Variants in RBFOX1 observed in about 807,000 individuals in gnomAD.
RBFOX1 encodes the protein RNA binding fox-1 homolog 1.
In RBFOX1, 8 loss-of-function variants were observed where a neutral mutation model predicts 57.7. That is an observed-to-expected ratio of 0.14 (90% CI 0.08 to 0.25). The LOEUF (loss-of-function observed/expected upper bound fraction) is 0.25, where lower values mean the gene tolerates loss of function less well. Among genes scored for constraint, RBFOX1 ranks in the 10% least tolerant of loss-of-function variants. RBFOX1 has a pLI of 1.00. For synonymous variants in RBFOX1, 326 were observed against 222.4 expected (o/e 1.47, Z -4.15); for missense variants, 611 against 548.5 (o/e 1.11, Z -1.14).
At chr16:6,253,272 C>G (rs552540875) in intron 1 of RBFOX1, among the ~76,000 whole-genome samples, 1 of 152,178 alleles carries the variant, frequency 6.6e-6, no homozygotes, top group African/African-American at 2.4e-5. Flanking sequence ...CCTAACAGAT[C>G]TTTCCTTCAT....
At position 7,555,335 on chromosome 16, in the gene RBFOX1, A is replaced by T. The variant is rs577679480; in HGVS notation, c.271-24442A>T. On this transcript the variant is annotated intron_variant, in intron 5 of 15. Transcript: ENST00000550418. ...GGATTCTGGAACAGAAAAAGGACAT[A>T]AGTAGAAAGGCTGTGGAAATTTCAG... Among the ~76,000 whole-genome samples, 24 of 152,302 alleles carry T rather than the reference A, an allele frequency of 1.6e-4. 1 individual carries two copies. The highest frequency in any genetic ancestry group is 5.5e-4 in the African/African-American group (23 of 41,566).
intron 2 of RBFOX1, among the ~76,000 whole-genome samples, chr16:6,476,587 C>G (rs1187061846): frequency 6.6e-6 from 1 of 152,150 alleles, no homozygotes; most frequent in Non-Finnish European, 1.5e-5. Context: ...ATCATCTGAG[C>G]CTTTAATGAG....
At chr16:6,202,311 A>T (rs1316080646) in intron 1 of RBFOX1, among the ~76,000 whole-genome samples, 1 of 152,328 alleles carries the variant, frequency 6.6e-6, no homozygotes, top group East Asian at 1.9e-4. Context: ...TTGTCTAGGA[A>T]GACCTGATTG....
intron 4 of RBFOX1, among the ~76,000 whole-genome samples, chr16:7,303,996 T>G (rs1205256578): frequency 6.6e-6 from 1 of 151,642 alleles, no homozygotes; most frequent in Non-Finnish European, 1.5e-5. Flanking sequence ...CCTTCCACTT[T>G]CCGGGGGATC....
intron 2 of RBFOX1, among the ~76,000 whole-genome samples, chr16:5,483,762 G>C (rs974985589): frequency 1.3e-5 from 2 of 152,230 alleles, no homozygotes; most frequent in South Asian, 4.2e-4. Flanking sequence ...TTACCCCCAA[G>C]CTTAGCGGTT....
chr16:7,630,218 T>G (rs1351330092), intron 10 of RBFOX1, among the ~76,000 whole-genome samples: 1 of 152,064 alleles, frequency 6.6e-6, no homozygotes. Flanking sequence ...AGAGGTACAG[T>G]GACTTGCCAA....
At chr16:5,345,363 A>T (rs1364425656) in intron 1 of RBFOX1, among the ~76,000 whole-genome samples, 4 of 152,120 alleles carry the variant, frequency 2.6e-5, no homozygotes, top group Admixed American at 6.5e-5. Context: ...TGCCCCTGAA[A>T]ACAAGGTAAC....
intron 1 of RBFOX1, among the ~76,000 whole-genome samples, chr16:5,322,630 G>A (rs1207551628): frequency 6.6e-6 from 1 of 152,120 alleles, no homozygotes; most frequent in African/African-American, 2.4e-5. Context: ...GGACACTGGA[G>A]CCCCCAGTCT....
intron 4 of RBFOX1, among the ~76,000 whole-genome samples, chr16:7,203,193 A>C (rs193033296): frequency 6.6e-6 from 1 of 152,242 alleles, no homozygotes; most frequent in South Asian, 2.1e-4. Context: ...CACACGCACA[A>C]TGGAATATTA....
intron 1 of RBFOX1, among the ~76,000 whole-genome samples, chr16:6,191,840 G>C (rs1352257467): frequency 6.6e-6 from 1 of 152,092 alleles, no homozygotes; most frequent in Non-Finnish European, 1.5e-5. Flanking sequence ...TCAGAATTTT[G>C]CACTAGATTT....
chr16:5,593,825 G>A (rs962497107), intron 2 of RBFOX1, among the ~76,000 whole-genome samples: 4 of 152,000 alleles, frequency 2.6e-5, no homozygotes, highest in Non-Finnish European at 5.9e-5. Context: ...CTGTGGAGTC[G>A]CCCTGAATTC....
intron 3 of RBFOX1, among the ~76,000 whole-genome samples, chr16:6,819,572 G>GGCA (rs1567395248): frequency 6.6e-6 from 1 of 151,820 alleles, no homozygotes; most frequent in East Asian, 1.9e-4. Context: ...GCCTGTTGGC[G>GGCA]TGTATGCCTG....
intron 4 of RBFOX1, among the ~76,000 whole-genome samples, chr16:7,218,764 T>A (rs142852577): frequency 6.6e-6 from 1 of 151,534 alleles, no homozygotes; most frequent in Non-Finnish European, 1.5e-5. Context: ...CAGCAGAGAT[T>A]GCCTTTTATT....
intron 3 of RBFOX1, among the ~76,000 whole-genome samples, chr16:5,828,177 A>T (rs957008615): frequency 7.9e-5 from 12 of 151,636 alleles, no homozygotes; most frequent in African/African-American, 2.9e-4. Flanking sequence ...CATCCAATCC[A>T]TCCTTCCATG....
intron 7 of RBFOX1, among the ~76,000 whole-genome samples, chr16:7,587,639 A>G (rs1306384142): frequency 6.6e-6 from 1 of 152,196 alleles, no homozygotes; most frequent in Non-Finnish European, 1.5e-5. Context: ...TCTCATGAGC[A>G]GGTAAATATG....
intron 2 of RBFOX1, among the ~76,000 whole-genome samples, chr16:6,540,903 T>G (rs374504874): frequency 9.2e-5 from 14 of 152,284 alleles, no homozygotes; most frequent in African/African-American, 3.4e-4. Flanking sequence ...AAATGTCGTT[T>G]CTCTGACTTC....
At chr16:6,605,990 T>G (rs1012516116) in intron 2 of RBFOX1, among the ~76,000 whole-genome samples, 1 of 151,892 alleles carries the variant, frequency 6.6e-6, no homozygotes, top group Non-Finnish European at 1.5e-5. Flanking sequence ...GTGCCTGTAG[T>G]CCCAGCTACT....
At chr16:6,794,727 G>C (rs573243955) in intron 3 of RBFOX1, among the ~76,000 whole-genome samples, 8 of 152,232 alleles carry the variant, frequency 5.3e-5, no homozygotes, top group Non-Finnish European at 1.2e-4. Context: ...ATAGCAGCTT[G>C]GATCCAGTAT....
chr16:6,417,642 A>G (rs1280802773), intron 2 of RBFOX1, among the ~76,000 whole-genome samples: 1 of 149,522 alleles, frequency 6.7e-6, no homozygotes, highest in Non-Finnish European at 1.5e-5. Context: ...CACCTACCTC[A>G]GCCTCTCAAA....
Sources: gnomAD v4.1 joint callset for allele counts (sites outside exome capture counted in the v4.1 genomes callset) on GRCh38, gnomAD v4.1.1 for gene constraint, MANE v1.5 for transcripts, NCBI Gene and HGNC (gene_info 2026-07-23, HGNC 2026-07-21) for gene names.